The following NXPH2 variants were observed in gnomAD, a reference collection of about 807,000 sequenced individuals.
The protein encoded by NXPH2 is neurexophilin 2, also known as neurexophilin-2.
NXPH2 carries 5 observed loss-of-function variants against 19.8 expected under a neutral mutation model. The ratio of observed to expected loss-of-function variants is 0.25; its 90% CI spans 0.13 to 0.53. NXPH2 has a LOEUF of 0.53. NXPH2 is among the 20% of genes least tolerant of loss of function. NXPH2 has a pLI of 0.96. For synonymous variants in NXPH2, 154 were observed against 127.4 expected (o/e 1.21, Z -1.41); for missense variants, 289 against 322.8 (o/e 0.90, Z 0.80).
chr2:138,703,814 C>T (rs910945032), intron 1 of NXPH2, among the ~76,000 whole-genome samples: 1 of 152,162 alleles, frequency 6.6e-6, no homozygotes, highest in African/African-American at 2.4e-5. Context: ...AACTGAGAAA[C>T]ATGCACTTAC....
chr2:138,777,112 T>C (rs1682275147), intron 1 of NXPH2, among the ~76,000 whole-genome samples: 1 of 152,084 alleles, frequency 6.6e-6, no homozygotes, highest in Non-Finnish European at 1.5e-5. Context: ...TTCTTTTTAC[T>C]TAAAGGCAAA....
At chr2:138,740,527 A>G (rs1470336683) in intron 1 of NXPH2, among the ~76,000 whole-genome samples, 2 of 152,168 alleles carry the variant, frequency 1.3e-5, no homozygotes, top group African/African-American at 4.8e-5. Flanking sequence ...TGCTTAGTCC[A>G]ATTAAGTTAC....
At chr2:138,699,601 T>C (rs1330293369) in intron 1 of NXPH2, among the ~76,000 whole-genome samples, 2 of 151,168 alleles carry the variant, frequency 1.3e-5, no homozygotes, top group Non-Finnish European at 2.9e-5. Flanking sequence ...AAGAAGCAAG[T>C]AGGTTAATGC....
chr2:138,757,314 C>A (rs371906154), intron 1 of NXPH2, among the ~76,000 whole-genome samples: 3 of 152,042 alleles, frequency 2.0e-5, no homozygotes, highest in African/African-American at 7.2e-5. Context: ...ATGTAGAAGG[C>A]GTAAGGAAGA....
chr2:138,684,773 T>G (rs1680624730), intron 1 of NXPH2, among the ~76,000 whole-genome samples: 1 of 152,204 alleles, frequency 6.6e-6, no homozygotes, highest in Non-Finnish European at 1.5e-5. Flanking sequence ...CCCTGCCCTC[T>G]TAGCCCAAGA....
At chr2:138,702,478 A>C (rs1341096153) in intron 1 of NXPH2, among the ~76,000 whole-genome samples, 1 of 152,016 alleles carries the variant, frequency 6.6e-6, no homozygotes, top group Admixed American at 6.6e-5. Flanking sequence ...AAAACTATAA[A>C]ATCGTCCAAT....
chr2:138,763,701 T>C (rs535828030), intron 1 of NXPH2, among the ~76,000 whole-genome samples: 1 of 152,258 alleles, frequency 6.6e-6, no homozygotes, highest in South Asian at 2.1e-4. Flanking sequence ...AGGATCTTTA[T>C]GACCATACTG....
chr2:138,715,285 T>A (rs541557465), intron 1 of NXPH2, among the ~76,000 whole-genome samples: 1 of 152,334 alleles, frequency 6.6e-6, no homozygotes, highest in South Asian at 2.1e-4. Context: ...AGAGATTATT[T>A]TATACTGGAT....
At chr2:138,755,295 G>C (rs918223544) in intron 1 of NXPH2, among the ~76,000 whole-genome samples, 2 of 151,900 alleles carry the variant, frequency 1.3e-5, no homozygotes, top group Admixed American at 1.3e-4. Flanking sequence ...TAGAAGTTTT[G>C]TAGTTTTGCA....
At chr2:138,694,267 T>C (rs960037697) in intron 1 of NXPH2, among the ~76,000 whole-genome samples, 3 of 152,314 alleles carry the variant, frequency 2.0e-5, no homozygotes, top group African/African-American at 7.2e-5. Flanking sequence ...TAACTCTAAA[T>C]TTTTATTTTG....
intron 1 of NXPH2, among the ~76,000 whole-genome samples, chr2:138,775,227 T>A (rs1032859465): frequency 6.6e-6 from 1 of 152,208 alleles, no homozygotes; most frequent in African/African-American, 2.4e-5. Context: ...TAAGGAAAGA[T>A]AATTCCTTAT....
At chr2:138,725,590 C>G in intron 1 of NXPH2, among the ~76,000 whole-genome samples, 1 of 152,178 alleles carries the variant, frequency 6.6e-6, no homozygotes, top group East Asian at 1.9e-4. Flanking sequence ...AAGGTTGGGA[C>G]AGAAAGATGT....
chr2:138,688,015 A>G (rs1376574646), intron 1 of NXPH2, among the ~76,000 whole-genome samples: 2 of 152,086 alleles, frequency 1.3e-5, no homozygotes, highest in South Asian at 4.1e-4. Flanking sequence ...TTGACTTGGC[A>G]ATGCGGGCCC....
chr2:138,714,484 T>C (rs190883578), intron 1 of NXPH2, among the ~76,000 whole-genome samples: 2 of 152,250 alleles, frequency 1.3e-5, no homozygotes, highest in African/African-American at 2.4e-5. Context: ...TTCCACACCT[T>C]AGGAAGAACC....
intron 1 of NXPH2, among the ~76,000 whole-genome samples, chr2:138,705,571 A>G (rs1296980068): frequency 6.6e-6 from 1 of 152,142 alleles, no homozygotes; most frequent in Non-Finnish European, 1.5e-5. Context: ...TATCTAAATG[A>G]ATTCCCTGAA....
intron 1 of NXPH2, among the ~76,000 whole-genome samples, chr2:138,752,499 C>T (rs1343050504): frequency 2.0e-5 from 3 of 152,100 alleles, no homozygotes; most frequent in South Asian, 4.1e-4. Flanking sequence ...TTTAAGTTTG[C>T]ATAAAATTGT....
At chr2:138,674,847 C>T (rs80143406) in intron 1 of NXPH2, among the ~76,000 whole-genome samples, 1,890 of 152,284 alleles carry the variant, frequency 0.012, 43 homozygotes, top group African/African-American at 0.041. Context: ...TATTTTTCAC[C>T]TGTTTCCAGT....
chr2:138,684,303 A>C (rs890847175), intron 1 of NXPH2, among the ~76,000 whole-genome samples: 2 of 152,190 alleles, frequency 1.3e-5, no homozygotes, highest in Non-Finnish European at 2.9e-5. Flanking sequence ...CCAAAAACAA[A>C]CAAAACAAAA....
chr2:138,722,159 A>G (rs1573966600), intron 1 of NXPH2, among the ~76,000 whole-genome samples: 1 of 152,372 alleles, frequency 6.6e-6, no homozygotes, highest in East Asian at 1.9e-4. Context: ...ATATTAAAGA[A>G]TGCTACTGAT....
Sources: allele counts gnomAD v4.1 joint callset (sites outside exome capture counted in the v4.1 genomes callset), GRCh38; gene constraint gnomAD v4.1.1; transcripts MANE v1.5; gene names NCBI Gene and HGNC (gene_info 2026-07-23, HGNC 2026-07-21).